SPATA7: variants seen among roughly 807,000 people sequenced by gnomAD.
SPATA7 encodes spermatogenesis associated 7.
SPATA7 carries 43 observed loss-of-function variants against 51.8 expected under a neutral mutation model. The observed-to-expected ratio is 0.83, with a 90% CI of 0.65 to 1.07. The LOEUF (loss-of-function observed/expected upper bound fraction) is 1.07, where lower values mean the gene tolerates loss of function less well. Ranked by LOEUF, SPATA7 falls within the 50% of genes least tolerant of loss-of-function variation. The pLI is 0.00. For synonymous variants in SPATA7, 230 were observed against 252.8 expected (o/e 0.91, Z 0.86); for missense variants, 683 against 701.3 (o/e 0.97, Z 0.30).
chr14:88,430,967 C>G (rs978017343), intron 8 of SPATA7, among the ~76,000 whole-genome samples: 5 of 152,108 alleles, frequency 3.3e-5, no homozygotes, highest in African/African-American at 1.2e-4. Context: ...CTCATTGGAA[C>G]ATTTTTGGAT....
At chr14:88,393,990 G>A (rs1028227263) in intron 3 of SPATA7, among the ~76,000 whole-genome samples, 1 of 152,002 alleles carries the variant, frequency 6.6e-6, no homozygotes, top group Non-Finnish European at 1.5e-5. Context: ...CACCGTTCAG[G>A]CCAAACCCTC....
chr14:88,460,810 C>T (rs999824301), intron 4 of SPATA7, among the ~76,000 whole-genome samples: 1 of 152,202 alleles, frequency 6.6e-6, no homozygotes, highest in Non-Finnish European at 1.5e-5. Context: ...TTCAGCTTTT[C>T]TGCTCTCTTT....
chr14:88,445,720 C>T (rs960552508), intron 3 of SPATA7, among the ~76,000 whole-genome samples: 2 of 152,116 alleles, frequency 1.3e-5, no homozygotes, highest in Non-Finnish European at 2.9e-5. Context: ...TGTCAAAGGC[C>T]TTTTCTGCAT....
intron 4 of SPATA7, among the ~76,000 whole-genome samples, chr14:88,460,982 C>G (rs922473120): frequency 1.3e-5 from 2 of 152,158 alleles, no homozygotes; most frequent in Non-Finnish European, 1.5e-5. Flanking sequence ...CACTCCAGAC[C>G]CTGTTTGCCT....
chr14:88,438,775 A>G (rs2077157791), downstream of SPATA7, among the ~76,000 whole-genome samples: 1 of 152,218 alleles, frequency 6.6e-6, no homozygotes, highest in African/African-American at 2.4e-5. Context: ...GAGGCTGCCT[A>G]TAGTTCTCTG....
intron 4 of SPATA7, chr14:88,466,743 C>A (rs1016768837): frequency 7.6e-6 from 1 of 131,298 alleles, no homozygotes; most frequent in Non-Finnish European, 1.6e-5. Flanking sequence ...TGAGGGGGCA[C>A]TAAACAGCTA....
chr14:88,409,014 A>G (rs1337339075), intron 4 of SPATA7, among the ~76,000 whole-genome samples: 1 of 152,108 alleles, frequency 6.6e-6, no homozygotes, highest in East Asian at 1.9e-4. Context: ...ATTTGCTGGT[A>G]TTTTATTGAG....
intron 4 of SPATA7, chr14:88,465,914 CAGA>C (rs2077355789): frequency 5.3e-5 from 8 of 151,752 alleles, no homozygotes; most frequent in Admixed American, 5.2e-4. Context: ...ATTTTGCCCT[CAGA>C]AGTTTACTTA....
chr14:88,432,893 T>C (rs2076978735), intron 9 of SPATA7: 1 of 435,600 alleles, frequency 2.3e-6, no homozygotes, highest in East Asian at 3.9e-5. Flanking sequence ...TTTACTGCTA[T>C]GGATGTTGCA....
chr14:88,427,411 A>T (rs2076824591), intron 6 of SPATA7, among the ~76,000 whole-genome samples: 1 of 152,098 alleles, frequency 6.6e-6, no homozygotes, highest in Non-Finnish European at 1.5e-5. Flanking sequence ...AAAACAATTT[A>T]AGATTAGTAT....
chr14:88,416,512 A>T, intron 4 of SPATA7, 199 bp from the exon 5 acceptor site: 1 of 425,876 alleles, frequency 2.3e-6, no homozygotes, highest in Non-Finnish European at 4.2e-6. Context: ...TAAATGTGTT[A>T]GTTAATATCT....
At chr14:88,468,220 T>C in intron 4 of SPATA7, 1 of 1,610,582 alleles carries the variant, frequency 6.2e-7, no homozygotes, top group Non-Finnish European at 8.5e-7. Flanking sequence ...ACCAGCATCA[T>C]TCTCTGTTGC....
In SPATA7 at chr14:88,464,011, T is replaced by C. The variant is rs898546159; in HGVS notation, c.255-5836T>C. On this transcript the variant is annotated intron_variant, in intron 4 of 4. Coordinates refer to the SPATA7 transcript ENST00000556406. ...ACGTGCCACCATGCCCAGCTAAGTT[T>C]TGTATTTTTAGTAGAGACGGGGTTT... Among the ~76,000 whole-genome samples, 5 of 152,006 alleles carry C rather than the reference T, an allele frequency of 3.3e-5. No homozygotes were observed. In the East Asian group the frequency reaches 9.7e-4, roughly 29 times the overall value.
chr14:88,386,161 A>C (rs1411561126), intron 1 of SPATA7: 3 of 663,226 alleles, frequency 4.5e-6, no homozygotes, highest in South Asian at 2.5e-5. Context: ...TTGGAGTCAG[A>C]CCTCCCCGGG....
At chr14:88,394,704 G>A (rs1210869507) in intron 3 of SPATA7, among the ~76,000 whole-genome samples, 1 of 152,152 alleles carries the variant, frequency 6.6e-6, no homozygotes, top group African/African-American at 2.4e-5. Context: ...AATATATTAA[G>A]TATAAGTTTA....
chr14:88,393,628 CTAT>C, intron 3 of SPATA7, 140 bp downstream of exon 3: 1 of 693,894 alleles, frequency 1.4e-6, no homozygotes. Flanking sequence ...GTGATACAAA[CTAT>C]TGACTCTAGG....
chr14:88,399,699 C>T lies in SPATA7; in HGVS notation c.238+3496C>T, dbSNP rs566200082. 1.1e-4 allele frequency among the ~76,000 whole-genome samples: 17 copies of T among 152,230 alleles called. No individual in the cohort carries two copies. The South Asian group carries it at 1.4e-3, about 13-fold the overall frequency. On this transcript the variant is annotated intron_variant, in intron 4 of 11. Transcript: ENST00000393545. ...GAATTAAGTTGGTTGGGATTACAGGCGTGAGCCACCGCGCCTGGCCTTAAA... is the reference window on the plus strand; with the variant it reads ...GAATTAAGTTGGTTGGGATTACAGGTGTGAGCCACCGCGCCTGGCCTTAAA...
chr14:88,419,499 TG>T (rs1230320120), intron 5 of SPATA7, among the ~76,000 whole-genome samples: 3 of 151,288 alleles, frequency 2.0e-5, no homozygotes, highest in African/African-American at 7.3e-5. Context: ...TAGTATTTGG[TG>T]GGTCAGATTA....
chr14:88,426,547 T>C lies in SPATA7; in HGVS notation c.688T>C (p.Ser230Pro). Residue 230 changes from serine to proline, a missense_variant, in exon 6 of 12, where the codon TCT becomes CCT. Physicochemically the swap from Ser to Pro is moderately conservative, Grantham distance 74. Coordinates refer to ENST00000393545, the MANE Select transcript of SPATA7 (RefSeq NM_018418.5). ...APSGDLLDKH[S>P]ELFSNKQLPF... ...CAGTGGGGATCTTTTGGATAAACAT[T>C]CTGAACTCTTTTCTAACAAACAATT... 6.2e-7 allele frequency: 1 copy of C among 1,614,122 alleles called. No homozygotes were observed. The highest frequency in any genetic ancestry group is 8.5e-7 in the Non-Finnish European group (1 of 1,180,028).
Sources: gnomAD v4.1 joint callset for allele counts (sites outside exome capture counted in the v4.1 genomes callset) on GRCh38, gnomAD v4.1.1 for gene constraint, MANE v1.5 for transcripts, NCBI Gene and HGNC (gene_info 2026-07-23, HGNC 2026-07-21) for gene names.